Variants in ZC3H12B observed in about 807,000 individuals in gnomAD.
ZC3H12B encodes the protein probable ribonuclease ZC3H12B.
Under a neutral mutation model 43.9 loss-of-function variants are expected in ZC3H12B, and 7 were observed. The ratio of observed to expected loss-of-function variants is 0.16; its 90% CI spans 0.09 to 0.30. The LOEUF (loss-of-function observed/expected upper bound fraction) is 0.30. Among genes scored for constraint, ZC3H12B ranks in the 10% least tolerant of loss-of-function variants. The pLI is 1.00. For synonymous variants in ZC3H12B, 222 were observed against 241.7 expected (o/e 0.92, Z 0.76); for missense variants, 475 against 670.2 (o/e 0.71, Z 3.22).
chrX:65,243,536 A>G, the ZC3H12B span, among the ~76,000 whole-genome samples: 2 of 112,128 alleles, frequency 1.8e-5, no homozygotes, highest in Non-Finnish European at 3.8e-5. Flanking sequence ...GTAAATTAGT[A>G]TAGCCACTGT....
chrX:65,111,931 A>G, the ZC3H12B span, among the ~76,000 whole-genome samples: 467 of 111,679 alleles, frequency 4.2e-3, 3 homozygotes, highest in Non-Finnish European at 6.2e-3. Flanking sequence ...AGAGTAGCAT[A>G]TTTCTCACTT....
the ZC3H12B span, among the ~76,000 whole-genome samples, chrX:65,213,202 A>T: frequency 9.1e-6 from 1 of 110,137 alleles, no homozygotes; most frequent in East Asian, 2.8e-4. Context: ...CACTTAAAAA[A>T]ATCTATCAGT....
the ZC3H12B span, among the ~76,000 whole-genome samples, chrX:65,267,515 A>T: frequency 9.0e-6 from 1 of 111,349 alleles, no homozygotes; most frequent in African/African-American, 3.3e-5. Context: ...AAAGGAAAAA[A>T]AATGTCTGTA....
At chrX:65,157,389 G>A in the ZC3H12B span, among the ~76,000 whole-genome samples, 2 of 112,072 alleles carry the variant, frequency 1.8e-5, no homozygotes, top group Admixed American at 9.5e-5. Context: ...TTAAAACTGT[G>A]TTATTACATA....
At chrX:65,382,651 G>A (rs1026097454) in intron 2 of ZC3H12B, among the ~76,000 whole-genome samples, 15 of 111,665 alleles carry the variant, frequency 1.3e-4, no homozygotes, top group African/African-American at 4.9e-4. Flanking sequence ...TAGGAAAAGA[G>A]GAAGTCAAAT....
chrX:65,114,089 G>A, the ZC3H12B span, among the ~76,000 whole-genome samples: 1 of 96,208 alleles, frequency 1.0e-5, no homozygotes, highest in Non-Finnish European at 2.1e-5. Flanking sequence ...TATTGAGCAA[G>A]TCTTATACCA....
chrX:65,465,644 A>G (rs1217244460), intron 3 of ZC3H12B, among the ~76,000 whole-genome samples: 1 of 109,867 alleles, frequency 9.1e-6, no homozygotes, highest in Non-Finnish European at 1.9e-5. Context: ...TTTGCTTTCT[A>G]TTTCCTATAT....
chrX:65,399,196 C>A (rs751226492), intron 3 of ZC3H12B, among the ~76,000 whole-genome samples: 2 of 112,203 alleles, frequency 1.8e-5, no homozygotes, highest in African/African-American at 6.5e-5. Context: ...AATGTGATCA[C>A]AAGTTTTGCA....
At chrX:65,426,433 G>C (rs1295936393) in intron 3 of ZC3H12B, among the ~76,000 whole-genome samples, 1 of 77,985 alleles carries the variant, frequency 1.3e-5, no homozygotes, top group Non-Finnish European at 2.5e-5. Context: ...TCCTGGATTT[G>C]CTGATTTTTT....
At chrX:65,298,951 C>G in the ZC3H12B span, among the ~76,000 whole-genome samples, 1 of 111,399 alleles carries the variant, frequency 9.0e-6, no homozygotes, top group South Asian at 3.8e-4. Flanking sequence ...AGAACTCACT[C>G]ACTGTCACAA....
chrX:65,389,460 G>T (rs1284335905), intron 2 of ZC3H12B, among the ~76,000 whole-genome samples: 1 of 112,623 alleles, frequency 8.9e-6, no homozygotes, highest in Non-Finnish European at 1.9e-5. Flanking sequence ...ATCTCCTGGT[G>T]TACCATTTGC....
chrX:65,380,578 T>A (rs1466285951), intron 2 of ZC3H12B, among the ~76,000 whole-genome samples: 2 of 111,336 alleles, frequency 1.8e-5, no homozygotes, highest in Admixed American at 1.9e-4. Context: ...GGTAACATCA[T>A]AATGACAGGA....
At chrX:65,154,770 A>G in the ZC3H12B span, among the ~76,000 whole-genome samples, 2 of 111,548 alleles carry the variant, frequency 1.8e-5, no homozygotes, top group African/African-American at 6.5e-5. Context: ...ATTTCAGCCT[A>G]GAAGGTTGAG....
chrX:65,267,924 G>C, the ZC3H12B span, among the ~76,000 whole-genome samples: 3 of 111,361 alleles, frequency 2.7e-5, no homozygotes, highest in Non-Finnish European at 5.7e-5. Context: ...ATAAAGATCA[G>C]AACAGAGCAA....
At chrX:65,254,886 G>GA in the ZC3H12B span, among the ~76,000 whole-genome samples, 7 of 111,233 alleles carry the variant, frequency 6.3e-5, no homozygotes, top group Non-Finnish European at 9.4e-5. Flanking sequence ...TGATAGAGCA[G>GA]AAAAAAATCA....
the ZC3H12B span, among the ~76,000 whole-genome samples, chrX:65,055,545 C>A: frequency 2.7e-5 from 3 of 111,426 alleles, no homozygotes; most frequent in Non-Finnish European, 3.8e-5. Flanking sequence ...GTCTAAAATT[C>A]TCTTTGTTTT....
chrX:65,308,325 A>T, the ZC3H12B span, among the ~76,000 whole-genome samples: 65 of 110,989 alleles, frequency 5.9e-4, no homozygotes, highest in Non-Finnish European at 1.1e-3. Flanking sequence ...AAGCAAAAAA[A>T]AGCAGGGGTT....
At chrX:65,243,940 G>A in the ZC3H12B span, among the ~76,000 whole-genome samples, 27 of 111,880 alleles carry the variant, frequency 2.4e-4, no homozygotes, top group African/African-American at 8.4e-4. Context: ...CATTGAGACA[G>A]AGAGCAGAAT....
chrX:65,194,085 T>A, the ZC3H12B span, among the ~76,000 whole-genome samples: 1 of 109,827 alleles, frequency 9.1e-6, no homozygotes, highest in Admixed American at 9.7e-5. Context: ...TGCAGCCCCA[T>A]GATCCTATCA....
Sources: allele counts gnomAD v4.1 joint callset (sites outside exome capture counted in the v4.1 genomes callset), GRCh38; gene constraint gnomAD v4.1.1; transcripts MANE v1.5; gene names NCBI Gene and HGNC (gene_info 2026-07-23, HGNC 2026-07-21).